SIK3: variants seen among roughly 807,000 people sequenced by gnomAD.
SIK3 encodes the protein serine/threonine-protein kinase SIK3.
A neutral mutation model predicts 144.2 loss-of-function variants in SIK3; 28 were observed. The ratio of observed to expected loss-of-function variants is 0.19; its 90% CI spans 0.14 to 0.27. SIK3 has a LOEUF of 0.27. Ranked by LOEUF, SIK3 falls within the 10% of genes least tolerant of loss-of-function variation. The pLI is 1.00. For synonymous variants in SIK3, 686 were observed against 676.3 expected (o/e 1.01, Z -0.22); for missense variants, 1,319 against 1,776.0 (o/e 0.74, Z 4.62).
rs997923924 is a variant in SIK3, at chr11:116,876,791, G to A, written c.984+133C>T. On this transcript the variant is annotated intron_variant, in intron 7 of 24. Transcript: ENST00000445177. Reference sequence around the variant, plus strand: ...TTACATTCCTTCTTGCTTGCTTCACGTGCTGCTTTAGTGTTACATAATAGT... The same window carrying A: ...TTACATTCCTTCTTGCTTGCTTCACATGCTGCTTTAGTGTTACATAATAGT... 5.5e-5 allele frequency: 39 copies of A among 707,934 alleles called. 2 individuals are homozygous for A. Among genetic ancestry groups the A allele is most frequent in the East Asian group, 5.4e-5 (2 of 37,158 alleles). 43.9% of individuals were successfully genotyped at this position (707,934 alleles called of 1,614,324 possible).
Position 116,897,095 on chromosome 11 carries a change from A to G in SIK3, c.741+98T>C, listed in dbSNP as rs535216730. Reference sequence around the variant, plus strand: ...GAAAGAACAGGTGACCAGGATCTCAATTCATGTTGCATCATTATGTATCCT... The same window carrying G: ...GAAAGAACAGGTGACCAGGATCTCAGTTCATGTTGCATCATTATGTATCCT... On this transcript the variant is annotated intron_variant, in intron 5 of 24. Coordinates refer to ENST00000445177, the MANE Select transcript of SIK3 (RefSeq NM_001366686.3). 7.9e-5 allele frequency: 101 copies of G among 1,278,460 alleles called. No homozygotes were observed. In the East Asian group the frequency reaches 1.3e-3, roughly 16 times the overall value. The allele number at this position is 1,278,460 out of a possible 1,614,324, so 79.2% of individuals were successfully genotyped here.
intron 1 of SIK3, among the ~76,000 whole-genome samples, chr11:116,963,978 C>T (rs974149443): frequency 1.3e-5 from 2 of 152,168 alleles, no homozygotes; most frequent in African/African-American, 2.4e-5. Context: ...TGATTAATAA[C>T]GTGCCACATG....
chr11:117,073,634 A>C (rs1403705811), intron 1 of SIK3, among the ~76,000 whole-genome samples: 3 of 151,116 alleles, frequency 2.0e-5, no homozygotes, highest in African/African-American at 7.3e-5. Context: ...AGCATACAGC[A>C]ATTAAGATGG....
At chr11:116,879,682 A>G in intron 6 of SIK3, among the ~76,000 whole-genome samples, 1 of 152,256 alleles carries the variant, frequency 6.6e-6, no homozygotes, top group Non-Finnish European at 1.5e-5. Context: ...AAGTTCCTAT[A>G]TCAAAATGAT....
At chr11:116,850,501 C>T (rs1942342899) in intron 21 of SIK3, among the ~76,000 whole-genome samples, 1 of 152,220 alleles carries the variant, frequency 6.6e-6, no homozygotes, top group Non-Finnish European at 1.5e-5. Context: ...TAAACTTTTC[C>T]TTTCAAACAG....
intron 4 of SIK3, among the ~76,000 whole-genome samples, chr11:116,915,374 A>G (rs1946579306): frequency 6.6e-6 from 1 of 152,194 alleles, no homozygotes. Context: ...TTCATGACCT[A>G]GGATTTGGAA....
At chr11:117,036,112 G>T in intron 1 of SIK3, 1 of 575,592 alleles carries the variant, frequency 1.7e-6, no homozygotes, top group African/African-American at 1.9e-5. Flanking sequence ...TATAGTCAAG[G>T]TCTCACTTTG....
chr11:116,916,589 C>T (rs990803602), intron 4 of SIK3, among the ~76,000 whole-genome samples: 1 of 150,864 alleles, frequency 6.6e-6, no homozygotes, highest in African/African-American at 2.4e-5. Context: ...CAGCTCACTG[C>T]AAGCTTTGCC....
intron 1 of SIK3, among the ~76,000 whole-genome samples, chr11:117,067,601 T>C (rs1369921849): frequency 1.3e-5 from 2 of 152,194 alleles, no homozygotes; most frequent in Non-Finnish European, 2.9e-5. Flanking sequence ...GGTTATTAAA[T>C]GGGTGTGTAT....
At chr11:116,966,646 C>T (rs1377067232) in intron 1 of SIK3, among the ~76,000 whole-genome samples, 1 of 151,662 alleles carries the variant, frequency 6.6e-6, no homozygotes. Flanking sequence ...GGGTGTTCAA[C>T]CTACAACTTA....
chr11:117,089,631 C>A (rs1351096681), intron 1 of SIK3, among the ~76,000 whole-genome samples: 2 of 152,116 alleles, frequency 1.3e-5, no homozygotes, highest in African/African-American at 4.8e-5. Flanking sequence ...CCTACATTTT[C>A]ACATTCAATT....
intron 1 of SIK3, among the ~76,000 whole-genome samples, chr11:117,000,426 T>C (rs936839069): frequency 3.3e-5 from 5 of 152,202 alleles, no homozygotes; most frequent in Non-Finnish European, 7.3e-5. Context: ...ACCACTTTCT[T>C]AGATATCCCT....
chr11:116,996,665 T>C (rs1591503749), intron 1 of SIK3, among the ~76,000 whole-genome samples: 1 of 151,204 alleles, frequency 6.6e-6, no homozygotes, highest in Non-Finnish European at 1.5e-5. Flanking sequence ...ACTAGAAATA[T>C]GAAAATTAGC....
chr11:117,081,644 A>G (rs1954793276), intron 1 of SIK3, among the ~76,000 whole-genome samples: 1 of 152,220 alleles, frequency 6.6e-6, no homozygotes, highest in African/African-American at 2.4e-5. Context: ...AATTAATCAA[A>G]AAAATAAAGT....
chr11:116,995,880 T>C (rs1231086155), intron 1 of SIK3, among the ~76,000 whole-genome samples: 1 of 152,148 alleles, frequency 6.6e-6, no homozygotes, highest in East Asian at 1.9e-4. Flanking sequence ...TCAGGTGTGG[T>C]AGAACCTGCC....
intron 1 of SIK3, among the ~76,000 whole-genome samples, chr11:117,005,217 C>G (rs1266828281): frequency 6.6e-6 from 1 of 151,316 alleles, no homozygotes; most frequent in Non-Finnish European, 1.5e-5. Context: ...CTGAGGCGGG[C>G]AGATCACCTG....
At chr11:117,033,494 G>A (rs1328065014) in intron 1 of SIK3, among the ~76,000 whole-genome samples, 2 of 152,034 alleles carry the variant, frequency 1.3e-5, no homozygotes, top group Non-Finnish European at 2.9e-5. Context: ...GAGGTCAAGA[G>A]ATCAAGACCA....
intron 4 of SIK3, among the ~76,000 whole-genome samples, chr11:116,923,596 T>C (rs1947120998): frequency 6.6e-6 from 1 of 152,220 alleles, no homozygotes; most frequent in Non-Finnish European, 1.5e-5. Flanking sequence ...CGATGGCATA[T>C]AAGAGAAAGA....
At chr11:116,962,200 C>T (rs1949371837) in intron 1 of SIK3, among the ~76,000 whole-genome samples, 1 of 152,140 alleles carries the variant, frequency 6.6e-6, no homozygotes, top group African/African-American at 2.4e-5. Flanking sequence ...AACCACCCTT[C>T]CCCATCAGAA....
Sources: allele counts gnomAD v4.1 joint callset (sites outside exome capture counted in the v4.1 genomes callset), GRCh38; gene constraint gnomAD v4.1.1; transcripts MANE v1.5; gene names NCBI Gene and HGNC (gene_info 2026-07-23, HGNC 2026-07-21).